Variants in CPM observed in about 807,000 individuals in gnomAD.
The protein encoded by CPM is renal carboxypeptidase.
CPM carries 35 observed loss-of-function variants against 46.4 expected under a neutral mutation model. The ratio of observed to expected loss-of-function variants is 0.75; its 90% CI spans 0.58 to 1.00. CPM has a LOEUF of 1.00. Among genes scored for constraint, CPM ranks in the 50% least tolerant of loss-of-function variants. The probability of loss-of-function intolerance (pLI) is 0.00; values close to 1 mark genes in which losing one functional copy is unlikely to be tolerated. For missense variants in CPM, 422 were observed against 530.4 expected (o/e 0.80, Z 2.01); for synonymous variants, 195 against 195.3 (o/e 1.00, Z 0.01).
intron 8 of CPM, among the ~76,000 whole-genome samples, chr12:68,857,165 C>CTTT (rs148512383): frequency 4.0e-4 from 57 of 143,256 alleles, no homozygotes; most frequent in African/African-American, 1.4e-3. Context: ...TTTCTTTTTT[C>CTTT]TTTTTTTTTT....
intron 3 of CPM, among the ~76,000 whole-genome samples, chr12:68,875,205 G>A (rs1885891541): frequency 6.6e-6 from 1 of 151,984 alleles, no homozygotes; most frequent in Admixed American, 6.6e-5. Context: ...ACAAAAATTA[G>A]CCGGGCATGG....
intron 3 of CPM, among the ~76,000 whole-genome samples, chr12:68,880,122 A>G (rs1886128618): frequency 6.6e-6 from 1 of 152,078 alleles, no homozygotes; most frequent in South Asian, 2.1e-4. Flanking sequence ...AAAAGATTCA[A>G]CTGTAGGTAT....
At chr12:68,870,462 G>A (rs1466893978) in intron 4 of CPM, 63 bp from the exon 5 acceptor site, 1 of 1,447,780 alleles carries the variant, frequency 6.9e-7, no homozygotes, top group Non-Finnish European at 9.5e-7. Flanking sequence ...TTCTTACAGT[G>A]TCTTGCCCTT....
chr12:68,867,731 T>C (rs566383983), intron 6 of CPM, among the ~76,000 whole-genome samples: 7 of 152,324 alleles, frequency 4.6e-5, no homozygotes, highest in Admixed American at 3.9e-4. Context: ...GAAAGAGTGC[T>C]GCACTGCCTC....
intron 2 of CPM, among the ~76,000 whole-genome samples, chr12:68,928,133 A>G (rs147746081): frequency 0.012 from 1,865 of 152,348 alleles, 34 homozygotes; most frequent in Admixed American, 0.049. Context: ...CTACGAGGCT[A>G]CAGTAACCAA....
At chr12:68,932,184 G>T (rs976967129) in intron 2 of CPM, among the ~76,000 whole-genome samples, 13 of 152,186 alleles carry the variant, frequency 8.5e-5, no homozygotes, top group Non-Finnish European at 1.5e-4. Flanking sequence ...TTGCAGAAAT[G>T]ATAGTTTTGC....
At chr12:68,911,290 G>C (rs1887584974) in intron 2 of CPM, among the ~76,000 whole-genome samples, 1 of 152,176 alleles carries the variant, frequency 6.6e-6, no homozygotes, top group African/African-American at 2.4e-5. Context: ...TAGAGGGTCT[G>C]TCCAGGATGC....
intron 2 of CPM, among the ~76,000 whole-genome samples, chr12:68,924,342 C>T (rs1295508738): frequency 6.6e-6 from 1 of 151,768 alleles, no homozygotes; most frequent in Non-Finnish European, 1.5e-5. Flanking sequence ...CAAAAATTAG[C>T]CAGGCGCAAT....
chr12:68,902,479 C>G (rs1887152396), intron 2 of CPM, among the ~76,000 whole-genome samples: 1 of 152,100 alleles, frequency 6.6e-6, no homozygotes, highest in Non-Finnish European at 1.5e-5. Flanking sequence ...AGGGGATCTG[C>G]TTTAGAAATC....
Position 68,856,320 on chromosome 12 carries a change from G to T in CPM, c.*117C>A. ...GGAAACATCCATTTCTCTTCTTCAG[G>T]AAGATCGTGGAGTTTCTCCAGTCAA... is the stretch of plus-strand genomic sequence containing the variant. On this transcript the variant is annotated 3_prime_UTR_variant, in exon 9 of 9. Transcript: ENST00000551568. 2 of 1,126,334 alleles carry T rather than the reference G, an allele frequency of 1.8e-6. No homozygotes were observed. Among genetic ancestry groups the T allele is most frequent in the Non-Finnish European group, 2.6e-6 (2 of 783,784 alleles). 69.8% of individuals were successfully genotyped at this position (1,126,334 alleles called of 1,614,324 possible).
At chr12:68,864,424 G>A (rs1281883972) in intron 7 of CPM, among the ~76,000 whole-genome samples, 1 of 152,198 alleles carries the variant, frequency 6.6e-6, no homozygotes, top group Non-Finnish European at 1.5e-5. Context: ...CAGCCTAGAT[G>A]ACAGAGCGAG....
intron 3 of CPM, among the ~76,000 whole-genome samples, chr12:68,874,570 C>T (rs754393167): frequency 6.6e-6 from 1 of 151,906 alleles, no homozygotes; most frequent in African/African-American, 2.4e-5. Context: ...GAGCCGAGAT[C>T]GCGCCACCAG....
intron 1 of CPM, among the ~76,000 whole-genome samples, chr12:68,942,028 T>C (rs1438070266): frequency 6.6e-6 from 1 of 152,248 alleles, no homozygotes; most frequent in Non-Finnish European, 1.5e-5. Context: ...GACTCAGAGA[T>C]TGAAAGAATA....
At chr12:68,945,151 C>T (rs1888826015) in intron 1 of CPM, among the ~76,000 whole-genome samples, 1 of 152,142 alleles carries the variant, frequency 6.6e-6, no homozygotes, top group South Asian at 2.1e-4. Flanking sequence ...TATACTTTAG[C>T]AGAATTCAGG....
intron 2 of CPM, among the ~76,000 whole-genome samples, chr12:68,907,818 G>GTTATTTAT (rs528453019): frequency 7.2e-4 from 109 of 151,664 alleles, no homozygotes; most frequent in South Asian, 1.5e-3. Context: ...GGCTGGGTTG[G>GTTATTTAT]TTATTTATTT....
chr12:68,895,605 T>C (rs1886839876), intron 2 of CPM, among the ~76,000 whole-genome samples: 1 of 152,232 alleles, frequency 6.6e-6, no homozygotes, highest in Admixed American at 6.5e-5. Flanking sequence ...TACTTATTGC[T>C]GATACCTGTG....
At chr12:68,913,832 A>G in intron 2 of CPM, 2 of 643,848 alleles carry the variant, frequency 3.1e-6, no homozygotes, top group South Asian at 2.8e-5. Flanking sequence ...CCAGAGTATG[A>G]TGGTAACAAC....
intron 7 of CPM, among the ~76,000 whole-genome samples, chr12:68,863,285 G>A (rs899141035): frequency 6.6e-6 from 1 of 152,178 alleles, no homozygotes; most frequent in Non-Finnish European, 1.5e-5. Flanking sequence ...TCTGCTTTGA[G>A]GAGTCCAGGG....
At position 68,885,804 on chromosome 12, in the gene CPM, C is replaced by T; in HGVS notation, c.246G>A (p.Met82Ile). 1 of 1,613,760 alleles carries T rather than the reference C, an allele frequency of 6.2e-7. No individual in the cohort carries two copies. The highest frequency in any genetic ancestry group is 8.5e-7 in the Non-Finnish European group (1 of 1,179,712). The part of the protein sequence containing the change: ...GIPEFKYVAN[M>I]HGDETVGREL... ...GCCACATACGTACCTCATCTCCATG[C>T]ATATTTGCCACGTATTTGAACTCTG... Residue 82 changes from methionine to isoleucine, a missense_variant, in exon 3 of 9, where the codon ATG (methionine) becomes ATA (isoleucine). Physicochemically the swap from Met to Ile is conservative, Grantham distance 10. Transcript: ENST00000551568.
Sources: allele counts gnomAD v4.1 joint callset (sites outside exome capture counted in the v4.1 genomes callset), GRCh38; gene constraint gnomAD v4.1.1; transcripts MANE v1.5; gene names NCBI Gene and HGNC (gene_info 2026-07-23, HGNC 2026-07-21).